Variants in LRP6 observed in about 807,000 individuals in gnomAD.
LRP6 encodes the protein LDL receptor related protein 6.
LRP6 carries 43 observed loss-of-function variants against 184.1 expected under a neutral mutation model. That is an observed-to-expected ratio of 0.23 (90% CI 0.18 to 0.30). LRP6 has a LOEUF of 0.30. Ranked by LOEUF, LRP6 falls within the 10% of genes least tolerant of loss-of-function variation. The pLI, the probability that LRP6 is intolerant of heterozygous loss-of-function variation, is 1.00. For synonymous variants in LRP6, 719 were observed against 684.9 expected (o/e 1.05, Z -0.78); for missense variants, 1,571 against 2,005.3 (o/e 0.78, Z 4.14).
At chr12:12,229,380 AAAAAAAAGAAGAAG>A (rs1326399136) in intron 2 of LRP6, among the ~76,000 whole-genome samples, 6 of 130,436 alleles carry the variant, frequency 4.6e-5, no homozygotes, top group South Asian at 2.7e-4. Context: ...CAAAAAAAAA[AAAAAAAAGAAGAAG>A]AAGAAGAATA....
intron 7 of LRP6, 29 bp from the exon 8 acceptor site, chr12:12,165,324 GATGAATT>G (rs1273949946): frequency 7.0e-7 from 1 of 1,432,050 alleles, no homozygotes; most frequent in Non-Finnish European, 9.8e-7. Flanking sequence ...AAGAGAAGGG[GATGAATT>G]ATGCATTTAT....
In LRP6 at chr12:12,147,543, T is replaced by A. The variant is rs370421599; in HGVS notation, c.3220A>T (p.Thr1074Ser). The change falls in exon 15 of 23, where the codon ACC becomes TCC. Residue 1074 changes from threonine to serine, a missense_variant. Thr to Ser is a moderately conservative substitution (Grantham distance 58). This residue lies in a region of LRP6 where 763 missense variants were observed against 859.5 expected (regional missense o/e 0.89). Transcript: ENST00000261349. The stretch of plus-strand genomic sequence containing the variant: ...TTAGGAGACCTTTCCTGAAGATTGG[T>A]AAAATACATATACCTAGAGGGAAAG... ...VNPEKGYMYF[T>S]NLQERSPKIE... is the part of the protein sequence containing the mutation. The A allele has an allele frequency of 6.2e-7, 1 of 1,613,700 alleles. No homozygotes were observed. The highest frequency in any genetic ancestry group is 1.7e-5 in the Admixed American group (1 of 59,976).
chr12:12,171,118 T>C (rs1257528637), intron 7 of LRP6, among the ~76,000 whole-genome samples: 1 of 152,220 alleles, frequency 6.6e-6, no homozygotes, highest in Non-Finnish European at 1.5e-5. Flanking sequence ...CTGCTTTCTA[T>C]ACTCTGACAT....
chr12:12,134,244 A>G (rs530693620), intron 17 of LRP6, among the ~76,000 whole-genome samples: 96 of 152,330 alleles, frequency 6.3e-4, no homozygotes, highest in African/African-American at 2.2e-3. Context: ...CATTTTGGCA[A>G]CATTTTTACA....
chr12:12,203,709 A>G (rs1863975943), intron 2 of LRP6, among the ~76,000 whole-genome samples: 1 of 152,220 alleles, frequency 6.6e-6, no homozygotes, highest in East Asian at 1.9e-4. Context: ...CGGAGGTTGC[A>G]GTAAGCTGAG....
chr12:12,181,303 T>A lies in LRP6; in HGVS notation c.1113A>T (p.Glu371Asp), dbSNP rs1438560472. ...HAIAIDYDPV[E>D]GYIYWTDDEV... ...CATCATCAGTCCAGTAGATGTAGCC[T>A]TCCACAGGATCGTAATCTATGGCAA... is the stretch of plus-strand genomic sequence containing the variant. The change falls in exon 6 of 23, where the codon GAA becomes GAT. Residue 371 changes from glutamate (E) to aspartate (D), a missense_variant. Physicochemically the swap from Glu to Asp is conservative, Grantham distance 45. Around this residue, in one of 4 missense-constraint regions of LRP6, gnomAD observed 640 missense variants for 851.9 expected, o/e 0.75. Coordinates refer to ENST00000261349, the MANE Select transcript of LRP6 (RefSeq NM_002336.3). 1 of 1,614,188 alleles carries A rather than the reference T, an allele frequency of 6.2e-7. No homozygotes were observed. The highest frequency in any genetic ancestry group is 1.7e-5 in the Admixed American group (1 of 60,026).
chr12:12,216,920 A>C (rs932377540), intron 2 of LRP6, among the ~76,000 whole-genome samples: 1 of 151,324 alleles, frequency 6.6e-6, no homozygotes, highest in African/African-American at 2.4e-5. Flanking sequence ...TTAGCATGAC[A>C]TATAAGAGCC....
chr12:12,135,063 C>G (rs148783353), intron 17 of LRP6, 112 bp downstream of exon 17: 4 of 1,478,846 alleles, frequency 2.7e-6, no homozygotes, highest in Non-Finnish European at 3.8e-6. Flanking sequence ...ACACACGCAA[C>G]CAATTAAGTT....
chr12:12,245,173 TAACCC>T (rs1865155177), intron 1 of LRP6, among the ~76,000 whole-genome samples: 1 of 152,154 alleles, frequency 6.6e-6, no homozygotes, highest in Admixed American at 6.5e-5. Context: ...TTATTTGTAA[TAACCC>T]AAACTGGAAT....
chr12:12,254,229 C>T (rs1865407849), intron 1 of LRP6, among the ~76,000 whole-genome samples: 1 of 151,024 alleles, frequency 6.6e-6, no homozygotes, highest in Non-Finnish European at 1.5e-5. Context: ...GATGGCATCA[C>T]TTAAATAACT....
chr12:12,245,556 A>T (rs1865162963), intron 1 of LRP6, among the ~76,000 whole-genome samples: 1 of 152,214 alleles, frequency 6.6e-6, no homozygotes, highest in South Asian at 2.1e-4. Flanking sequence ...TTTACACTTA[A>T]CATAAGCAAA....
chr12:12,135,334 G>C (rs749225564), intron 16 of LRP6, 34 bp from the exon 17 acceptor site: 1 of 1,533,100 alleles, frequency 6.5e-7, no homozygotes, highest in South Asian at 1.1e-5. Flanking sequence ...GGGGAGAGGA[G>C]GGGGAGTGGA....
At chr12:12,261,362 C>T (rs1019983841) in intron 1 of LRP6, among the ~76,000 whole-genome samples, 2 of 150,276 alleles carry the variant, frequency 1.3e-5, no homozygotes, top group Non-Finnish European at 1.5e-5. Flanking sequence ...GAGATCACGC[C>T]GCTGCACTCC....
At chr12:12,164,203 T>A (rs1194032034) in intron 9 of LRP6, 70 bp downstream of exon 9, 1 of 1,419,384 alleles carries the variant, frequency 7.0e-7, no homozygotes, top group African/African-American at 1.4e-5. Flanking sequence ...GGTCACAGCA[T>A]GAAGATTCAG....
At position 12,119,998 on chromosome 12, in the gene LRP6, TATA is replaced by T. The variant is rs1949578258; in HGVS notation, c.*1125_*1127del. 6 of 46,702 alleles carry T rather than the reference TATA, an allele frequency of 1.3e-4. No individual in the cohort carries two copies. Among genetic ancestry groups the T allele is most frequent in the African/African-American group, 5.7e-4 (6 of 10,592 alleles). The allele number at this position is 46,702 out of a possible 1,614,324, so 2.9% of individuals were successfully genotyped here. On this transcript the variant is annotated 3_prime_UTR_variant, in exon 23 of 23. Transcript: ENST00000261349. ...AACAAACAAACAAACAAAATATATA[TATA>T]TATATATATATATATATATATATAT... is the stretch of plus-strand genomic sequence containing the variant.
In LRP6 at chr12:12,179,902, C is replaced by G. The variant is rs1337190426; in HGVS notation, c.1453G>C (p.Val485Leu). 6.2e-7 allele frequency: 1 copy of G among 1,613,980 alleles called. No individual in the cohort carries two copies. ...TTTGGCCAACCAAGAGAAGTGTTAA[C>G]CAATACTACACGGTCAGAACCATCC... ...ALDGSDRVVLVNTSLGWPNGL... is the reference protein window; with the variant it reads ...ALDGSDRVVLLNTSLGWPNGL... The change falls in exon 7 of 23, where the codon GTT becomes CTT. Residue 485 changes from valine (V) to leucine (L), a missense_variant. By Grantham distance (32) the Val-to-Leu change is conservative. Transcript: ENST00000261349.
rs560221120 is a variant in LRP6 at position 12,220,306 on chromosome 12, C to A, written c.450-16906G>T. Among the ~76,000 whole-genome samples, 5 of 151,090 alleles carry A rather than the reference C, an allele frequency of 3.3e-5. No homozygotes were observed. The East Asian group carries it at 5.8e-4, about 18-fold the overall frequency. ...CTGCCTCAAAAAAAAAAAAAAAATT[C>A]TTCCTTCATCCAGTTTTAAAAGGGA... On this transcript the variant is annotated intron_variant, in intron 2 of 22. Transcript: ENST00000261349.
intron 1 of LRP6, among the ~76,000 whole-genome samples, chr12:12,265,910 A>C (rs1865744806): frequency 6.6e-6 from 1 of 152,022 alleles, no homozygotes. Context: ...AGCAGTCCCC[A>C]GGGGTGCAGA....
intron 1 of LRP6, among the ~76,000 whole-genome samples, chr12:12,250,008 T>C (rs7298325): frequency 6.6e-6 from 1 of 152,214 alleles, no homozygotes; most frequent in African/African-American, 2.4e-5. Context: ...TTTACAAGCA[T>C]GTCTTTAAAT....
Sources: allele counts gnomAD v4.1 joint callset (sites outside exome capture counted in the v4.1 genomes callset), GRCh38; gene constraint gnomAD v4.1.1; regional missense constraint gnomAD v4.1.1; transcripts MANE v1.5; gene names NCBI Gene and HGNC (gene_info 2026-07-23, HGNC 2026-07-21).